Variants in ZNF423 observed in about 807,000 individuals in gnomAD.
ZNF423 encodes Ebf-associated zinc finger protein.
In ZNF423, 12 loss-of-function variants were observed where a neutral mutation model predicts 95.8. That is an observed-to-expected ratio of 0.13 (90% confidence interval 0.08 to 0.20). The LOEUF (loss-of-function observed/expected upper bound fraction) is 0.20. Ranked by LOEUF, ZNF423 falls within the 10% of genes least tolerant of loss-of-function variation. The probability of loss-of-function intolerance (pLI) is 1.00; values close to 1 mark genes in which losing one functional copy is unlikely to be tolerated. For missense variants in ZNF423, 1,316 were observed against 1,737.1 expected (o/e 0.76, Z 4.31); for synonymous variants, 749 against 711.9 (o/e 1.05, Z -0.83).
intron 3 of ZNF423, among the ~76,000 whole-genome samples, chr16:49,715,954 G>C (rs1567307472): frequency 6.6e-6 from 1 of 151,920 alleles, no homozygotes; most frequent in Non-Finnish European, 1.5e-5. Flanking sequence ...AGGCTGAGGT[G>C]GAAGGATTGC....
At chr16:49,560,175 C>T (rs958142111) in intron 5 of ZNF423, among the ~76,000 whole-genome samples, 5 of 152,294 alleles carry the variant, frequency 3.3e-5, no homozygotes, top group African/African-American at 9.6e-5. Context: ...ACGGCAGTGA[C>T]GACAGCTGTC....
intron 1 of ZNF423, 51 bp from the exon 2 acceptor site, chr16:49,789,597 G>C (rs777536004): frequency 1.3e-6 from 2 of 1,578,480 alleles, no homozygotes; most frequent in African/African-American, 1.4e-5. Flanking sequence ...TGTACAAATA[G>C]ATCAGGTAAG....
chr16:49,790,007 C>T (rs868258484), intron 1 of ZNF423, among the ~76,000 whole-genome samples: 3 of 152,120 alleles, frequency 2.0e-5, no homozygotes, highest in African/African-American at 7.2e-5. Context: ...AGCCTCCCCC[C>T]CATTCCACCC....
intron 3 of ZNF423, among the ~76,000 whole-genome samples, chr16:49,672,072 G>A (rs1044696892): frequency 2.6e-5 from 4 of 152,178 alleles, no homozygotes; most frequent in African/African-American, 9.7e-5. Flanking sequence ...TCAGATTCTA[G>A]AAAGGTGAGA....
chr16:49,758,408 GGATT>G (rs2033768025), intron 2 of ZNF423, among the ~76,000 whole-genome samples: 1 of 152,092 alleles, frequency 6.6e-6, no homozygotes, highest in Non-Finnish European at 1.5e-5. Flanking sequence ...CAAAGTATTG[GGATT>G]ACAGGGGTGA....
chr16:49,525,590 C>A (rs895190897), intron 5 of ZNF423, 96 bp from the exon 6 acceptor site: 27 of 1,538,830 alleles, frequency 1.8e-5, no homozygotes, highest in Non-Finnish European at 2.2e-5. Context: ...ACTAACCCCC[C>A]TCCAATCCCC....
chr16:49,832,290 G>C (rs1484726824), intron 1 of ZNF423, among the ~76,000 whole-genome samples: 1 of 152,218 alleles, frequency 6.6e-6, no homozygotes, highest in Non-Finnish European at 1.5e-5. Flanking sequence ...GATGCTGCCT[G>C]AGTCTGAAAA....
intron 5 of ZNF423, among the ~76,000 whole-genome samples, chr16:49,552,569 C>T (rs1029364940): frequency 6.6e-6 from 1 of 152,106 alleles, no homozygotes; most frequent in Non-Finnish European, 1.5e-5. Context: ...AGAGGGAAAT[C>T]TCGGGAGTCC....
intron 5 of ZNF423, among the ~76,000 whole-genome samples, chr16:49,576,001 C>A (rs574917185): frequency 5.3e-5 from 8 of 152,206 alleles, no homozygotes; most frequent in Non-Finnish European, 8.8e-5. Flanking sequence ...TCCTGATCAC[C>A]CCAGATAGTG....
chr16:49,715,600 C>T (rs1306601458), intron 3 of ZNF423, among the ~76,000 whole-genome samples: 7 of 152,062 alleles, frequency 4.6e-5, no homozygotes, highest in African/African-American at 1.7e-4. Flanking sequence ...AAATACTTAG[C>T]TGGGCATGGT....
chr16:49,716,695 G>C (rs560481831), intron 3 of ZNF423, among the ~76,000 whole-genome samples: 1 of 151,994 alleles, frequency 6.6e-6, no homozygotes, highest in African/African-American at 2.4e-5. Flanking sequence ...CGAATCCCCC[G>C]CCTCTCCCTG....
At chr16:49,762,617 A>G (rs1255063189) in intron 2 of ZNF423, among the ~76,000 whole-genome samples, 1 of 152,166 alleles carries the variant, frequency 6.6e-6, no homozygotes, top group Non-Finnish European at 1.5e-5. Flanking sequence ...CAGCATAAGA[A>G]GGCCCAAGAC....
intron 2 of ZNF423, among the ~76,000 whole-genome samples, chr16:49,770,629 G>C (rs549620995): frequency 6.6e-6 from 1 of 152,252 alleles, no homozygotes; most frequent in Non-Finnish European, 1.5e-5. Flanking sequence ...CAGCGGCTGG[G>C]CCTTGGAAGA....
At chr16:49,711,551 C>T (rs1274590491) in intron 3 of ZNF423, 3 of 152,098 alleles carry the variant, frequency 2.0e-5, no homozygotes, top group Admixed American at 6.5e-5. Flanking sequence ...CGTAAGACAC[C>T]GTGGATGGTA....
intron 1 of ZNF423, among the ~76,000 whole-genome samples, chr16:49,816,241 C>A (rs2034853748): frequency 6.6e-6 from 1 of 152,008 alleles, no homozygotes; most frequent in African/African-American, 2.4e-5. Flanking sequence ...TAATCCTGAG[C>A]AGCCAAGAAA....
At chr16:49,511,941 G>T (rs72784278) in intron 7 of ZNF423, among the ~76,000 whole-genome samples, 4,217 of 152,284 alleles carry the variant, frequency 0.028, 79 homozygotes, top group Non-Finnish European at 0.041. Context: ...ATGTCACATG[G>T]GGGCCCAACT....
At chr16:49,687,148 T>C (rs1047086802) in intron 3 of ZNF423, among the ~76,000 whole-genome samples, 1 of 151,936 alleles carries the variant, frequency 6.6e-6, no homozygotes, top group Non-Finnish European at 1.5e-5. Flanking sequence ...CCCTATAGTT[T>C]ATTAACATCC....
At chr16:49,610,672 A>G (rs377367618) in intron 5 of ZNF423, among the ~76,000 whole-genome samples, 15 of 152,220 alleles carry the variant, frequency 9.9e-5, no homozygotes, top group African/African-American at 3.6e-4. Flanking sequence ...CTCACATATC[A>G]TTAACAACAT....
chr16:49,670,330 C>T (rs111383226), intron 3 of ZNF423, among the ~76,000 whole-genome samples: 7 of 152,242 alleles, frequency 4.6e-5, no homozygotes, highest in Admixed American at 1.3e-4. Context: ...CAGATGCCCA[C>T]AGATGGAAGC....
Sources: allele counts gnomAD v4.1 joint callset (sites outside exome capture counted in the v4.1 genomes callset), GRCh38; gene constraint gnomAD v4.1.1; transcripts MANE v1.5; gene names NCBI Gene and HGNC (gene_info 2026-07-23, HGNC 2026-07-21).